Variants in QTMAN observed in about 807,000 individuals in gnomAD.
The protein encoded by QTMAN is queuosine-tRNA mannosyltransferase.
chr2:144,149,869 T>A, the QTMAN span, among the ~76,000 whole-genome samples: 2 of 152,044 alleles, frequency 1.3e-5, no homozygotes, highest in Non-Finnish European at 2.9e-5. Context: ...ACTTAATATG[T>A]AAAAAGAAAA....
the QTMAN span, among the ~76,000 whole-genome samples, chr2:144,162,136 T>A: frequency 1.3e-5 from 2 of 152,302 alleles, no homozygotes; most frequent in East Asian, 3.9e-4. Flanking sequence ...TGCATTAAAA[T>A]TTTTATTTTG....
chr2:144,160,171 G>C, the QTMAN span, among the ~76,000 whole-genome samples: 1 of 151,904 alleles, frequency 6.6e-6, no homozygotes, highest in Non-Finnish European at 1.5e-5. Flanking sequence ...ATGACTATCG[G>C]AAAGATCATG....
At chr2:143,972,078 T>C in the QTMAN span, among the ~76,000 whole-genome samples, 1 of 152,166 alleles carries the variant, frequency 6.6e-6, no homozygotes, top group Non-Finnish European at 1.5e-5. Context: ...GGTGAAATGT[T>C]CATTGCTTTT....
At chr2:144,218,134 G>A in the QTMAN span, among the ~76,000 whole-genome samples, 1 of 152,110 alleles carries the variant, frequency 6.6e-6, no homozygotes, top group African/African-American at 2.4e-5. Context: ...TCATTCAAGA[G>A]TTGTACTATT....
chr2:144,235,978 A>T, the QTMAN span, among the ~76,000 whole-genome samples: 76 of 150,768 alleles, frequency 5.0e-4, no homozygotes, highest in African/African-American at 1.2e-3. Context: ...TAATAATAAT[A>T]ATTATTATTA....
At chr2:144,172,072 T>C in the QTMAN span, among the ~76,000 whole-genome samples, 3 of 152,144 alleles carry the variant, frequency 2.0e-5, no homozygotes, top group Non-Finnish European at 4.4e-5. Flanking sequence ...ATAAAAAGTA[T>C]AGATATTTTT....
chr2:144,065,642 T>C, the QTMAN span, among the ~76,000 whole-genome samples: 3 of 152,216 alleles, frequency 2.0e-5, no homozygotes, highest in Admixed American at 6.5e-5. Context: ...CCTTGGTACC[T>C]TCCTTAAACT....
chr2:144,201,042 G>A, the QTMAN span, among the ~76,000 whole-genome samples: 3 of 152,002 alleles, frequency 2.0e-5, no homozygotes, highest in South Asian at 4.1e-4. Flanking sequence ...GGGATAAAAC[G>A]ATAAACAAGA....
chr2:144,175,414 A>G, the QTMAN span, among the ~76,000 whole-genome samples: 1 of 152,114 alleles, frequency 6.6e-6, no homozygotes, highest in African/African-American at 2.4e-5. Flanking sequence ...TTACATGCCT[A>G]TCTCAGAGGA....
At chr2:144,230,271 C>G in the QTMAN span, 1 of 152,116 alleles carries the variant, frequency 6.6e-6, no homozygotes, top group Admixed American at 6.5e-5. Flanking sequence ...ACAATCTGGA[C>G]GATCCCCACT....
the QTMAN span, among the ~76,000 whole-genome samples, chr2:144,170,707 C>T: frequency 1.3e-5 from 2 of 152,052 alleles, no homozygotes; most frequent in African/African-American, 2.4e-5. Context: ...TGATGCCTCT[C>T]TGCTTGCGAG....
the QTMAN span, among the ~76,000 whole-genome samples, chr2:144,180,337 T>C: frequency 1.3e-5 from 2 of 152,170 alleles, no homozygotes; most frequent in East Asian, 3.8e-4. Flanking sequence ...TTGTAATAGC[T>C]CGATGAAATC....
the QTMAN span, among the ~76,000 whole-genome samples, chr2:144,163,936 T>C: frequency 1.3e-5 from 2 of 152,050 alleles, no homozygotes; most frequent in Non-Finnish European, 2.9e-5. Flanking sequence ...TGTTTGTTTG[T>C]TTGTTTGAGA....
chr2:144,267,510 C>A, the QTMAN span, among the ~76,000 whole-genome samples: 1 of 152,098 alleles, frequency 6.6e-6, no homozygotes, highest in Admixed American at 6.6e-5. Flanking sequence ...AGAGGTGGGA[C>A]AAAAGCCAGA....
the QTMAN span, among the ~76,000 whole-genome samples, chr2:143,963,145 C>T: frequency 2.0e-5 from 3 of 152,050 alleles, no homozygotes; most frequent in Admixed American, 1.3e-4. Flanking sequence ...CTCACCTATA[C>T]ATAGGGGAAA....
At chr2:144,169,412 C>T in the QTMAN span, among the ~76,000 whole-genome samples, 7 of 152,156 alleles carry the variant, frequency 4.6e-5, no homozygotes, top group African/African-American at 1.4e-4. Context: ...GTCTCTCCCA[C>T]TTAATTAAAA....
the QTMAN span, among the ~76,000 whole-genome samples, chr2:144,055,282 G>A: frequency 6.6e-6 from 1 of 151,190 alleles, no homozygotes; most frequent in Non-Finnish European, 1.5e-5. Context: ...CACTTAAGTG[G>A]TGACAAGTAT....
At chr2:144,052,390 C>T in the QTMAN span, among the ~76,000 whole-genome samples, 4 of 152,116 alleles carry the variant, frequency 2.6e-5, no homozygotes, top group Admixed American at 6.5e-5. Flanking sequence ...AGTGAAGAGA[C>T]GAGCAAAAAG....
chr2:144,026,366 T>A, the QTMAN span, among the ~76,000 whole-genome samples: 3 of 151,780 alleles, frequency 2.0e-5, no homozygotes, highest in Admixed American at 6.6e-5. Context: ...ACCCAGGAGG[T>A]GGAGGTTGCA....
Sources: allele counts gnomAD v4.1 joint callset (sites outside exome capture counted in the v4.1 genomes callset), GRCh38; gene constraint gnomAD v4.1.1; transcripts MANE v1.5; gene names NCBI Gene and HGNC (gene_info 2026-07-23, HGNC 2026-07-21).